Variants in FOXO1 observed in about 807,000 individuals in gnomAD.
FOXO1 encodes forkhead box O1, also known as forkhead box protein O1.
A neutral mutation model predicts 44.1 loss-of-function variants in FOXO1; 6 were observed. That is an observed-to-expected ratio of 0.14 (90% CI 0.07 to 0.27). The LOEUF (loss-of-function observed/expected upper bound fraction) is 0.27, where lower values mean the gene tolerates loss of function less well. Ranked by LOEUF, FOXO1 falls within the 10% of genes least tolerant of loss-of-function variation. FOXO1 has a pLI of 1.00. For synonymous variants in FOXO1, 380 were observed against 362.7 expected, an observed-to-expected ratio of 1.05 and a Z score of -0.54; for missense variants, 737 against 888.8, an observed-to-expected ratio of 0.83 and a Z score of 2.17.
intron 1 of FOXO1, among the ~76,000 whole-genome samples, chr13:40,580,234 A>AAT (rs1253676094): frequency 6.6e-6 from 1 of 152,202 alleles, no homozygotes; most frequent in African/African-American, 2.4e-5. Context: ...ATCCAAGTGA[A>AAT]ATATATATAA....
intron 1 of FOXO1, among the ~76,000 whole-genome samples, chr13:40,637,726 G>C (rs1566081926): frequency 6.6e-6 from 1 of 152,166 alleles, no homozygotes; most frequent in Non-Finnish European, 1.5e-5. Flanking sequence ...CTTCACACGA[G>C]TAAAGAGCAG....
Position 40,665,804 on chromosome 13 carries a change from C to CCGGCGGGTGCTGCGACAGCGGCCCGGG in FOXO1, c.382_408dup (p.Pro128_Pro136dup). 8.1e-7 allele frequency: 1 copy of CCGGCGGGTGCTGCGACAGCGGCCCGGG among 1,229,980 alleles called. No individual in the cohort carries two copies. Among genetic ancestry groups the CCGGCGGGTGCTGCGACAGCGGCCCGGG allele is most frequent in the South Asian group, 4.1e-5 (1 of 24,626 alleles). 76.2% of individuals were successfully genotyped at this position (1,229,980 alleles called of 1,614,324 possible). ...AGCGGCCCAGCGGCGGCGGGGGGCA[C>CCGGCGGGTGCTGCGACAGCGGCCCGGG]CGGCGGGTGCTGCGACAGCGGCCCG... On this transcript the variant is annotated inframe_insertion, in exon 1 of 3. Coordinates refer to ENST00000379561, the MANE Select transcript of FOXO1 (RefSeq NM_002015.4).
At chr13:40,633,155 G>A (rs934942102) in intron 1 of FOXO1, among the ~76,000 whole-genome samples, 2 of 152,192 alleles carry the variant, frequency 1.3e-5, no homozygotes, top group Non-Finnish European at 2.9e-5. Context: ...ACCTTTCATG[G>A]TAGGAATGTA....
At chr13:40,578,435 A>AT (rs1054982293) in intron 1 of FOXO1, among the ~76,000 whole-genome samples, 1 of 152,128 alleles carries the variant, frequency 6.6e-6, no homozygotes, top group Non-Finnish European at 1.5e-5. Context: ...TATGACAAAG[A>AT]TTCCCTGCAG....
chr13:40,619,059 G>A (rs1876518541), intron 1 of FOXO1: 3 of 463,782 alleles, frequency 6.5e-6, no homozygotes, highest in African/African-American at 6.0e-5. Context: ...GGCTGAGTGG[G>A]TGGATCACGA....
chr13:40,576,724 T>G (rs979086490), intron 1 of FOXO1, among the ~76,000 whole-genome samples: 3 of 152,214 alleles, frequency 2.0e-5, no homozygotes, highest in Non-Finnish European at 2.9e-5. Flanking sequence ...TTTTCAAACT[T>G]ACGGCATAAT....
intron 1 of FOXO1, among the ~76,000 whole-genome samples, chr13:40,578,576 T>C (rs567925784): frequency 5.8e-4 from 89 of 152,250 alleles, no homozygotes; most frequent in Non-Finnish European, 6.8e-4. Flanking sequence ...CCTCTAACCA[T>C]TGAGGTCTCC....
intron 1 of FOXO1, among the ~76,000 whole-genome samples, chr13:40,592,233 C>T (rs1188748058): frequency 6.6e-6 from 1 of 152,136 alleles, no homozygotes; most frequent in African/African-American, 2.4e-5. Flanking sequence ...TCTCCAATCT[C>T]CAGCACTCCG....
chr13:40,588,175 G>C (rs1001233486), intron 1 of FOXO1, among the ~76,000 whole-genome samples: 1 of 152,124 alleles, frequency 6.6e-6, no homozygotes, highest in African/African-American at 2.4e-5. Context: ...AAACTGAGTA[G>C]AGGAGGATTA....
intron 1 of FOXO1, among the ~76,000 whole-genome samples, chr13:40,662,373 C>T (rs1211837961): frequency 6.6e-6 from 1 of 151,996 alleles, no homozygotes; most frequent in Non-Finnish European, 1.5e-5. Flanking sequence ...CAAACTACCA[C>T]TTCCCAAGCT....
At chr13:40,643,746 AAAAG>A (rs1877428138) in intron 1 of FOXO1, among the ~76,000 whole-genome samples, 1 of 152,174 alleles carries the variant, frequency 6.6e-6, no homozygotes, top group Non-Finnish European at 1.5e-5. Context: ...AAAAAAAAGA[AAAAG>A]AAAACCCCAG....
Position 40,555,731 on chromosome 13 carries a change from T to C in FOXO1, c.*3318A>G, listed in dbSNP as rs1235842492. 1 of 152,684 alleles carries C rather than the reference T, an allele frequency of 6.5e-6. No individual in the cohort carries two copies. The highest frequency in any genetic ancestry group is 1.5e-5 in the Non-Finnish European group (1 of 68,048). The allele number at this position is 152,684 out of a possible 1,614,324, so 9.5% of individuals were successfully genotyped here. A position where few individuals can be genotyped will look rare whatever the true frequency, so the allele number is the denominator to read the frequency against. Reference sequence around the variant, plus strand: ...AAAAAATTCCTAATAAAGAGCTTATTCTGCATAATTAGAAAAGAAAGACAC... The same window carrying C: ...AAAAAATTCCTAATAAAGAGCTTATCCTGCATAATTAGAAAAGAAAGACAC... On this transcript the variant is annotated 3_prime_UTR_variant, in exon 3 of 3. Transcript: ENST00000379561.
intron 1 of FOXO1, among the ~76,000 whole-genome samples, chr13:40,576,341 T>A (rs1874742862): frequency 6.6e-6 from 1 of 151,776 alleles, no homozygotes; most frequent in Non-Finnish European, 1.5e-5. Flanking sequence ...GACAACAGAG[T>A]AAAGTTATAA....
chr13:40,643,597 G>C lies in FOXO1; in HGVS notation c.630+21986C>G, dbSNP rs12874490. The stretch of plus-strand genomic sequence containing the variant: ...GCACAAAAACAATATAAGTCTGCCA[G>C]AGCACCCTTATCAAACTTGCTACAC... On this transcript the variant is annotated intron_variant, in intron 1 of 2. Transcript: ENST00000379561. 8.1e-3 allele frequency among the ~76,000 whole-genome samples: 1,240 copies of C among 152,150 alleles called. 11 individuals are homozygous for C. Among genetic ancestry groups the C allele is most frequent in the Non-Finnish European group, 0.013 (877 of 67,998 alleles).
chr13:40,663,133 G>A (rs1006754103), intron 1 of FOXO1, among the ~76,000 whole-genome samples: 1 of 152,116 alleles, frequency 6.6e-6, no homozygotes, highest in Non-Finnish European at 1.5e-5. Context: ...GCCCCATTAG[G>A]CTCCCACTGG....
At chr13:40,650,247 T>C (rs1329473946) in intron 1 of FOXO1, among the ~76,000 whole-genome samples, 1 of 152,198 alleles carries the variant, frequency 6.6e-6, no homozygotes, top group Non-Finnish European at 1.5e-5. Context: ...GAGGTCACTC[T>C]CGTGGCCATC....
intron 1 of FOXO1, among the ~76,000 whole-genome samples, chr13:40,656,717 A>G (rs1877870804): frequency 6.6e-6 from 1 of 152,258 alleles, no homozygotes; most frequent in Admixed American, 6.5e-5. Flanking sequence ...TTTGGCAAAA[A>G]CAAAGATATC....
At chr13:40,598,576 A>T (rs973294369) in intron 1 of FOXO1, among the ~76,000 whole-genome samples, 1 of 152,182 alleles carries the variant, frequency 6.6e-6, no homozygotes, top group African/African-American at 2.4e-5. Context: ...TTTCAGGAAT[A>T]TTTACATATA....
At chr13:40,594,485 A>C (rs1875502469) in intron 1 of FOXO1, among the ~76,000 whole-genome samples, 1 of 152,210 alleles carries the variant, frequency 6.6e-6, no homozygotes. Flanking sequence ...AGGTTACCTA[A>C]ATCTAGTTAC....
Sources: gnomAD v4.1 joint callset for allele counts (sites outside exome capture counted in the v4.1 genomes callset) on GRCh38, gnomAD v4.1.1 for gene constraint, MANE v1.5 for transcripts, NCBI Gene and HGNC (gene_info 2026-07-23, HGNC 2026-07-21) for gene names.